Variants in OGDH observed in about 807,000 individuals in gnomAD.
OGDH encodes oxoglutarate dehydrogenase.
A neutral mutation model predicts 116.6 loss-of-function variants in OGDH; 38 were observed. The observed-to-expected ratio is 0.33, with a 90% CI of 0.25 to 0.43. The LOEUF (loss-of-function observed/expected upper bound fraction) is 0.43. OGDH is among the 20% of genes least tolerant of loss of function. The pLI is 1.00. For synonymous variants in OGDH, 488 were observed against 533.3 expected, an observed-to-expected ratio of 0.92 and a Z score of 1.17; for missense variants, 825 against 1,357.2, an observed-to-expected ratio of 0.61 and a Z score of 6.16.
At chr7:44,660,170 G>A (rs923232560) in intron 4 of OGDH, among the ~76,000 whole-genome samples, 3 of 152,054 alleles carry the variant, frequency 2.0e-5, no homozygotes, top group Non-Finnish European at 4.4e-5. Context: ...TGTCATTCAG[G>A]CTATAGTGCA....
chr7:44,671,010 C>CAAAAAAAAAAAAA (rs111818473), intron 5 of OGDH, among the ~76,000 whole-genome samples: 5 of 68,600 alleles, frequency 7.3e-5, no homozygotes, highest in South Asian at 4.2e-4. Context: ...GACTCCATCT[C>CAAAAAAAAAAAAA]AAAAAAAAAA....
chr7:44,624,203 C>A, intron 1 of OGDH, 114 bp from the exon 2 acceptor site: 1 of 712,128 alleles, frequency 1.4e-6, no homozygotes, highest in Non-Finnish European at 2.3e-6. Flanking sequence ...TTTCTAGTAG[C>A]TTTTAAAAAA....
At chr7:44,654,102 G>A (rs1786578900) in intron 4 of OGDH, among the ~76,000 whole-genome samples, 1 of 152,168 alleles carries the variant, frequency 6.6e-6, no homozygotes, top group Non-Finnish European at 1.5e-5. Flanking sequence ...TGATCCACCT[G>A]CTTTGGTCTC....
intron 5 of OGDH, among the ~76,000 whole-genome samples, chr7:44,667,840 C>G (rs1169010899): frequency 6.6e-6 from 1 of 152,070 alleles, no homozygotes; most frequent in Non-Finnish European, 1.5e-5. Flanking sequence ...GAATGGGGAC[C>G]CTCAGAATTG....
At chr7:44,686,741 TGC>T (rs1359614738) in intron 10 of OGDH, among the ~76,000 whole-genome samples, 4 of 147,142 alleles carry the variant, frequency 2.7e-5, no homozygotes, top group African/African-American at 1.0e-4. Context: ...CAGGCCGGAG[TGC>T]AATGGCATGA....
chr7:44,675,893 A>C, intron 8 of OGDH, 77 bp from the exon 9 acceptor site: 2 of 1,453,916 alleles, frequency 1.4e-6, no homozygotes, highest in Non-Finnish European at 1.9e-6. Context: ...AAAAAAAAAA[A>C]TTCCCGTATA....
In OGDH at chr7:44,622,167, T is replaced by C. The variant is rs893537926; in HGVS notation, c.-27-2150T>C. Among the ~76,000 whole-genome samples, 8 of 151,826 alleles carry C rather than the reference T, an allele frequency of 5.3e-5. No homozygotes were observed. In the South Asian group the frequency reaches 1.5e-3, roughly 28 times the overall value. On this transcript the variant is annotated intron_variant, in intron 1 of 22. Coordinates refer to ENST00000222673, the MANE Select transcript of OGDH (RefSeq NM_002541.4). ...ATTTAATATTGCCTTAATAATGACA[T>C]TAAAGGAAAAAAATGAACATTTTCC... is the stretch of plus-strand genomic sequence containing the variant.
At position 44,684,816 on chromosome 7, in the gene OGDH, G is replaced by A. The variant is rs1251767332; in HGVS notation, c.1335+2968G>A. ...TTTCTATTTTTTTTTTTGAAACAGA[G>A]TCTTGCTCTGTCACCCAGGCTGGAG... On this transcript the variant is annotated intron_variant, in intron 10 of 22. Coordinates refer to ENST00000222673, the MANE Select transcript of OGDH (RefSeq NM_002541.4). Among the ~76,000 whole-genome samples, 3 of 151,592 alleles carry A rather than the reference G, an allele frequency of 2.0e-5. No homozygotes were observed. In the East Asian group the frequency reaches 5.8e-4, roughly 29 times the overall value.
intron 3 of OGDH, among the ~76,000 whole-genome samples, chr7:44,646,059 C>T (rs1177069517): frequency 6.6e-6 from 1 of 152,158 alleles, no homozygotes; most frequent in African/African-American, 2.4e-5. Context: ...TGGCCAGTCT[C>T]GTTAGGCAAG....
intron 2 of OGDH, among the ~76,000 whole-genome samples, chr7:44,624,953 G>A (rs1029260443): frequency 2.4e-4 from 36 of 152,144 alleles, no homozygotes; most frequent in African/African-American, 7.5e-4. Context: ...GTAACATGCC[G>A]TAGTCACCTC....
At chr7:44,662,761 C>T (rs1315830984) in intron 4 of OGDH, among the ~76,000 whole-genome samples, 1 of 152,188 alleles carries the variant, frequency 6.6e-6, no homozygotes, top group Non-Finnish European at 1.5e-5. Context: ...TGTGCCCAGC[C>T]TATACCACTT....
At chr7:44,614,216 T>A (rs1439502369) in intron 1 of OGDH, among the ~76,000 whole-genome samples, 1 of 151,256 alleles carries the variant, frequency 6.6e-6, no homozygotes, top group Admixed American at 6.6e-5. Context: ...CCTCCCAAAG[T>A]GCTGGGATTA....
rs1210479704 is a variant in OGDH at position 44,707,368 on chromosome 7, G to A, written c.2776G>A (p.Ala926Thr). ...AGCACGCGACATGGTGGGGCAGGTG[G>A]CCATCACAAGGATTGAGCAGGTGAG... ...RKARDMVGQVAITRIEQLSPF... is the reference protein window; with the variant it reads ...RKARDMVGQVTITRIEQLSPF... Residue 926 changes from alanine to threonine, a missense_variant, in exon 21 of 23, where the codon GCC becomes ACC. By Grantham distance (58) the Ala-to-Thr change is moderately conservative. Around this residue, in one of 7 missense-constraint regions of OGDH, gnomAD observed 212 missense variants for 284.3 expected, o/e 0.75. Transcript: ENST00000222673. The surrounding 1 kb of genome is among the most constrained non-coding windows in gnomAD (Gnocchi z 5.2). The A allele has an allele frequency of 1.2e-6, 2 of 1,614,248 alleles. No individual in the cohort carries two copies. The highest frequency in any genetic ancestry group is 1.7e-6 in the Non-Finnish European group (2 of 1,180,048).
intron 1 of OGDH, among the ~76,000 whole-genome samples, chr7:44,613,625 C>T (rs13222203): frequency 0.013 from 2,009 of 152,168 alleles, 14 homozygotes; most frequent in Non-Finnish European, 0.02. Context: ...TCCCAAAGTG[C>T]TGGGATTACA....
At chr7:44,623,705 G>A (rs1246465085) in intron 1 of OGDH, among the ~76,000 whole-genome samples, 2 of 117,532 alleles carry the variant, frequency 1.7e-5, no homozygotes, top group Admixed American at 9.1e-5. Flanking sequence ...GAGTGCAGTG[G>A]TGCAATCTCG....
chr7:44,705,547 T>C (rs1040869671), intron 20 of OGDH, among the ~76,000 whole-genome samples: 1 of 152,170 alleles, frequency 6.6e-6, no homozygotes, highest in African/African-American at 2.4e-5. Context: ...TTGTTTTTTA[T>C]TTTTTGTTTG....
At chr7:44,661,704 C>T (rs1407393574) in intron 4 of OGDH, among the ~76,000 whole-genome samples, 2 of 152,042 alleles carry the variant, frequency 1.3e-5, no homozygotes, top group East Asian at 1.9e-4. Context: ...CCGGTTCAAG[C>T]GATTCTCCTG....
Position 44,707,925 on chromosome 7 carries a change from A to T in OGDH, c.2998A>T (p.Lys1000Ter). The change falls in exon 23 of 23, where the codon AAG becomes TAG. Residue 1000 changes from lysine to a stop codon, truncating the protein, a stop_gained. Coordinates refer to ENST00000222673, the MANE Select transcript of OGDH (RefSeq NM_002541.4). LOFTEE classifies it high-confidence loss of function. The surrounding 1 kb of genome is among the most constrained non-coding windows in gnomAD (Gnocchi z 5.2). ...PAAAPATGNK[K>*]THLTELQRLL... ...GGCTGCTCCAGCCACCGGCAACAAGAAGACCCACCTGACGGAGCTGCAGCG... is the reference window on the plus strand; with the variant it reads ...GGCTGCTCCAGCCACCGGCAACAAGTAGACCCACCTGACGGAGCTGCAGCG... 6.2e-7 allele frequency: 1 copy of T among 1,613,834 alleles called. No individual in the cohort carries two copies. Among genetic ancestry groups the T allele is most frequent in the Non-Finnish European group, 8.5e-7 (1 of 1,179,988 alleles).
intron 1 of OGDH, among the ~76,000 whole-genome samples, chr7:44,607,574 C>CT (rs1250593875): frequency 6.6e-6 from 1 of 152,142 alleles, no homozygotes; most frequent in Non-Finnish European, 1.5e-5. Flanking sequence ...TAAGGCAGCA[C>CT]TAGTTGCAAC....
Sources: allele counts gnomAD v4.1 joint callset (sites outside exome capture counted in the v4.1 genomes callset), GRCh38; gene constraint gnomAD v4.1.1; regional missense constraint gnomAD v4.1.1; non-coding constraint Gnocchi (gnomAD v3.1); transcripts MANE v1.5; gene names NCBI Gene and HGNC (gene_info 2026-07-23, HGNC 2026-07-21).